MCTP2: variants seen among roughly 807,000 people sequenced by gnomAD.
MCTP2 encodes multiple C2 and transmembrane domain-containing protein 2.
In MCTP2, 132 loss-of-function variants were observed where a neutral mutation model predicts 111.6. That is an observed-to-expected ratio of 1.18 (90% CI 1.03 to 1.37). The LOEUF (loss-of-function observed/expected upper bound fraction) is 1.37. Among genes scored for constraint, MCTP2 ranks in the 40% most tolerant of loss-of-function variants. The probability of loss-of-function intolerance (pLI) is 0.00; values close to 1 mark genes in which losing one functional copy is unlikely to be tolerated. For missense variants in MCTP2, 1,183 were observed against 1,067.9 expected, an observed-to-expected ratio of 1.11 and a Z score of -1.50; for synonymous variants, 395 against 387.7, an observed-to-expected ratio of 1.02 and a Z score of -0.22.
chr15:94,241,107 G>A (rs1277676993), intron 1 of MCTP2, among the ~76,000 whole-genome samples: 1 of 150,054 alleles, frequency 6.7e-6, no homozygotes, highest in East Asian at 1.9e-4. Flanking sequence ...CTTATCCCCA[G>A]CAGAGCTTCT....
intron 8 of MCTP2, among the ~76,000 whole-genome samples, chr15:94,352,086 T>C (rs1441283296): frequency 6.6e-6 from 1 of 152,194 alleles, no homozygotes; most frequent in Non-Finnish European, 1.5e-5. Context: ...CATCAAATAA[T>C]GTATGCCACC....
At chr15:94,473,733 C>G (rs2074113757) in intron 21 of MCTP2, among the ~76,000 whole-genome samples, 1 of 152,136 alleles carries the variant, frequency 6.6e-6, no homozygotes, top group African/African-American at 2.4e-5. Flanking sequence ...CTTGATAGCA[C>G]AATATTTTTT....
At chr15:94,287,337 T>C (rs12903522) in intron 1 of MCTP2, among the ~76,000 whole-genome samples, 49 of 152,324 alleles carry the variant, frequency 3.2e-4, no homozygotes, top group African/African-American at 1.1e-3. Flanking sequence ...TTTTATGCTG[T>C]TGTTGCTTAT....
At chr15:94,463,076 G>A (rs1159487097) in intron 20 of MCTP2, among the ~76,000 whole-genome samples, 1 of 152,194 alleles carries the variant, frequency 6.6e-6, no homozygotes, top group East Asian at 1.9e-4. Flanking sequence ...GACAGGCTAT[G>A]TGGGAGAGTG....
intron 17 of MCTP2, chr15:94,402,989 T>TGG (rs1254708483): frequency 3.0e-6 from 3 of 995,158 alleles, no homozygotes; most frequent in African/African-American, 3.5e-5. Flanking sequence ...ATATAAAAAA[T>TGG]GGGGGAAAAA....
chr15:94,374,693 C>T (rs1408033547), intron 12 of MCTP2, among the ~76,000 whole-genome samples: 2 of 152,080 alleles, frequency 1.3e-5, no homozygotes, highest in Non-Finnish European at 2.9e-5. Context: ...GGCAAGAGGC[C>T]ATTCTTCAGT....
chr15:94,330,327 G>A (rs1398571003), intron 4 of MCTP2, among the ~76,000 whole-genome samples: 1 of 152,138 alleles, frequency 6.6e-6, no homozygotes, highest in East Asian at 1.9e-4. Flanking sequence ...AGTGGCTTGG[G>A]TGGGGGATTA....
At chr15:94,358,977 C>T (rs898734396) in intron 10 of MCTP2, among the ~76,000 whole-genome samples, 1 of 152,132 alleles carries the variant, frequency 6.6e-6, no homozygotes, top group African/African-American at 2.4e-5. Flanking sequence ...GCTAGGTGTT[C>T]CCATGATGGA....
chr15:94,285,070 G>A (rs1324814060), intron 1 of MCTP2, among the ~76,000 whole-genome samples: 1 of 152,120 alleles, frequency 6.6e-6, no homozygotes, highest in Non-Finnish European at 1.5e-5. Context: ...ATTTACCACA[G>A]GAATAGCAGG....
chr15:94,385,863 A>G (rs556058988), intron 14 of MCTP2, among the ~76,000 whole-genome samples: 3 of 152,332 alleles, frequency 2.0e-5, no homozygotes, highest in Admixed American at 1.3e-4. Context: ...TTATTAATGA[A>G]AAACACACAT....
chr15:94,263,787 T>C (rs896036594), intron 1 of MCTP2, among the ~76,000 whole-genome samples: 7 of 152,234 alleles, frequency 4.6e-5, no homozygotes, highest in Non-Finnish European at 1.0e-4. Flanking sequence ...ATTCACATTT[T>C]TTTGCACGTG....
intron 19 of MCTP2, among the ~76,000 whole-genome samples, chr15:94,453,202 G>C (rs1042719348): frequency 3.3e-5 from 5 of 152,124 alleles, no homozygotes; most frequent in African/African-American, 9.7e-5. Flanking sequence ...GGTCATTACT[G>C]GTAGCCCATG....
intron 1 of MCTP2, among the ~76,000 whole-genome samples, chr15:94,284,602 T>C (rs929072484): frequency 2.0e-5 from 3 of 152,226 alleles, no homozygotes; most frequent in Non-Finnish European, 2.9e-5. Context: ...ATTAAAAATA[T>C]GTTTATATAT....
At chr15:94,243,537 G>A (rs2071297471) in intron 1 of MCTP2, among the ~76,000 whole-genome samples, 1 of 131,660 alleles carries the variant, frequency 7.6e-6, no homozygotes. Context: ...ACATACGTAT[G>A]CGTGCATACG....
chr15:94,253,181 C>T (rs1313697342), intron 1 of MCTP2, among the ~76,000 whole-genome samples: 1 of 152,208 alleles, frequency 6.6e-6, no homozygotes, highest in African/African-American at 2.4e-5. Context: ...TCACTTTACA[C>T]ACTTGTTTGA....
chr15:94,392,984 C>T (rs2081079400), intron 14 of MCTP2, among the ~76,000 whole-genome samples: 1 of 152,002 alleles, frequency 6.6e-6, no homozygotes, highest in Admixed American at 6.5e-5. Flanking sequence ...AAAATTAAGC[C>T]TTTTATGTCC....
chr15:94,402,609 A>G (rs1298565459), intron 17 of MCTP2: 5 of 1,550,688 alleles, frequency 3.2e-6, no homozygotes, highest in Non-Finnish European at 4.4e-6. Context: ...AAAACCACCT[A>G]AGTCTACCAC....
chr15:94,250,622 A>G (rs189633196), intron 1 of MCTP2, among the ~76,000 whole-genome samples: 3 of 152,324 alleles, frequency 2.0e-5, no homozygotes, highest in East Asian at 1.9e-4. Flanking sequence ...ATTTTTTTCT[A>G]TTAGCTGAAC....
chr15:94,388,692 G>A (rs1365944880), intron 14 of MCTP2, among the ~76,000 whole-genome samples: 2 of 152,050 alleles, frequency 1.3e-5, no homozygotes, highest in Non-Finnish European at 2.9e-5. Context: ...CAAGTTCTGT[G>A]CCTTACACTT....
Sources: gnomAD v4.1 joint callset for allele counts (sites outside exome capture counted in the v4.1 genomes callset) on GRCh38, gnomAD v4.1.1 for gene constraint, MANE v1.5 for transcripts, NCBI Gene and HGNC (gene_info 2026-07-23, HGNC 2026-07-21) for gene names.